The following ADGRL2 variants were observed in gnomAD, a reference collection of about 807,000 sequenced individuals.
The protein encoded by ADGRL2 is adhesion G protein-coupled receptor L2, also known as calcium-independent alpha-latrotoxin receptor 2.
In ADGRL2, 44 loss-of-function variants were observed where a neutral mutation model predicts 157.4. That is an observed-to-expected ratio of 0.28 (90% CI 0.22 to 0.36). The LOEUF (loss-of-function observed/expected upper bound fraction) is 0.36, where lower values mean the gene tolerates loss of function less well. Ranked by LOEUF, ADGRL2 falls within the 10% of genes least tolerant of loss-of-function variation. The probability of loss-of-function intolerance (pLI) is 1.00; values close to 1 mark genes in which losing one functional copy is unlikely to be tolerated. For missense variants in ADGRL2, 1,510 were observed against 1,768.9 expected, an observed-to-expected ratio of 0.85 and a Z score of 2.63; for synonymous variants, 585 against 624.7, an observed-to-expected ratio of 0.94 and a Z score of 0.95.
intron 3 of ADGRL2, among the ~76,000 whole-genome samples, chr1:81,621,441 C>T (rs2148711641): frequency 6.6e-6 from 1 of 152,270 alleles, no homozygotes; most frequent in East Asian, 1.9e-4. Flanking sequence ...AGAGATTTTC[C>T]TGCTGTCCTG....
intron 1 of ADGRL2, among the ~76,000 whole-genome samples, chr1:81,349,969 A>AT (rs973606434): frequency 6.6e-6 from 1 of 151,746 alleles, no homozygotes; most frequent in African/African-American, 2.4e-5. Context: ...CTCTTTTATC[A>AT]TTTTTTTTCC....
chr1:81,635,404 A>C (rs917012177), intron 3 of ADGRL2, among the ~76,000 whole-genome samples: 1 of 152,102 alleles, frequency 6.6e-6, no homozygotes, highest in African/African-American at 2.4e-5. Flanking sequence ...ACTTCTCTCA[A>C]ACCTTTGCAT....
At chr1:81,614,294 T>A (rs1245300411) in intron 3 of ADGRL2, among the ~76,000 whole-genome samples, 1 of 152,166 alleles carries the variant, frequency 6.6e-6, no homozygotes, top group African/African-American at 2.4e-5. Flanking sequence ...AAGATGTTAC[T>A]CGATGAGACA....
chr1:81,523,067 A>G (rs1314610728), intron 2 of ADGRL2, among the ~76,000 whole-genome samples: 1 of 152,194 alleles, frequency 6.6e-6, no homozygotes, highest in Non-Finnish European at 1.5e-5. Flanking sequence ...AAAAAAATTA[A>G]CAAAAATATG....
chr1:81,767,610 A>G (rs991776519), intron 2 of ADGRL2, among the ~76,000 whole-genome samples: 1 of 152,108 alleles, frequency 6.6e-6, no homozygotes, highest in Admixed American at 6.6e-5. Context: ...GGTGGCTCAC[A>G]CTTGTAATCT....
intron 2 of ADGRL2, among the ~76,000 whole-genome samples, chr1:81,841,339 C>A (rs2092569864): frequency 6.6e-6 from 1 of 151,822 alleles, no homozygotes; most frequent in Admixed American, 6.6e-5. Flanking sequence ...TTTTAAGTTC[C>A]CTAAGTACAT....
At chr1:81,386,375 C>T (rs1299828583) in intron 1 of ADGRL2, among the ~76,000 whole-genome samples, 1 of 152,144 alleles carries the variant, frequency 6.6e-6, no homozygotes, top group Non-Finnish European at 1.5e-5. Context: ...CGCTAGCCTC[C>T]ATAATGCTTT....
At chr1:81,366,477 C>T (rs759202472) in intron 1 of ADGRL2, among the ~76,000 whole-genome samples, 8 of 152,076 alleles carry the variant, frequency 5.3e-5, no homozygotes, top group Non-Finnish European at 1.2e-4. Context: ...TTATTTTATA[C>T]AAATGGTAGG....
At chr1:81,498,522 C>T (rs909588900) in intron 2 of ADGRL2, among the ~76,000 whole-genome samples, 4 of 152,002 alleles carry the variant, frequency 2.6e-5, no homozygotes, top group Non-Finnish European at 4.4e-5. Flanking sequence ...CATACTGGAC[C>T]GACAGATTGA....
chr1:81,545,570 G>A (rs1304045057), intron 2 of ADGRL2, among the ~76,000 whole-genome samples: 4 of 152,208 alleles, frequency 2.6e-5, no homozygotes, highest in East Asian at 3.9e-4. Context: ...TTGAGCTATC[G>A]AGCCTGGCCT....
At chr1:81,962,611 T>G (rs1229839044) in intron 11 of ADGRL2, among the ~76,000 whole-genome samples, 1 of 152,178 alleles carries the variant, frequency 6.6e-6, no homozygotes, top group African/African-American at 2.4e-5. Flanking sequence ...GATCTTATAC[T>G]TCCCTTGTAA....
intron 3 of ADGRL2, among the ~76,000 whole-genome samples, chr1:81,916,883 A>AT (rs1362476658): frequency 6.6e-6 from 1 of 151,952 alleles, no homozygotes; most frequent in Non-Finnish European, 1.5e-5. Flanking sequence ...CCCCAAATCC[A>AT]TATTTTGTTT....
intron 2 of ADGRL2, among the ~76,000 whole-genome samples, chr1:81,530,312 A>C (rs1413740397): frequency 1.3e-5 from 2 of 152,304 alleles, no homozygotes; most frequent in Admixed American, 1.3e-4. Context: ...AAGGTGGCAC[A>C]AATTCAAAAG....
Position 81,571,082 on chromosome 1 carries a change from T to G in ADGRL2, c.-247-9794T>G, listed in dbSNP as rs376125996. On this transcript the variant is annotated intron_variant, in intron 2 of 24. Transcript: ENST00000370721. ...GCCCACGTCTGTAATCCCAGCACTT[T>G]GGGAGGCTGAGGCGGGCAGATCACC... is the stretch of plus-strand genomic sequence containing the variant. Among the ~76,000 whole-genome samples, 5 of 152,086 alleles carry G rather than the reference T, an allele frequency of 3.3e-5. No homozygotes were observed. In the East Asian group the frequency reaches 5.8e-4, roughly 18 times the overall value.
At chr1:81,596,469 G>C (rs758843602) in intron 3 of ADGRL2, 3 of 452,200 alleles carry the variant, frequency 6.6e-6, no homozygotes, top group Admixed American at 4.8e-5. Context: ...TGTCACCTCC[G>C]GCTCCAAGGG....
intron 1 of ADGRL2, among the ~76,000 whole-genome samples, chr1:81,313,752 CA>C (rs1659916502): frequency 6.6e-6 from 1 of 152,126 alleles, no homozygotes; most frequent in Non-Finnish European, 1.5e-5. Context: ...ATGAAAAAAT[CA>C]AGAGGGTATT....
At chr1:81,311,243 T>C (rs1441194581) in intron 1 of ADGRL2, among the ~76,000 whole-genome samples, 1 of 152,174 alleles carries the variant, frequency 6.6e-6, no homozygotes, top group African/African-American at 2.4e-5. Context: ...AGTCTGTTTG[T>C]TACTGTTGTT....
chr1:81,907,604 C>CT (rs199996498), intron 3 of ADGRL2, among the ~76,000 whole-genome samples: 31 of 148,420 alleles, frequency 2.1e-4, no homozygotes, highest in East Asian at 1.2e-3. Flanking sequence ...TGCTACTTAA[C>CT]TTTTTTTTTT....
chr1:81,668,506 T>G (rs2148905521), intron 3 of ADGRL2, among the ~76,000 whole-genome samples: 1 of 151,732 alleles, frequency 6.6e-6, no homozygotes, highest in African/African-American at 2.4e-5. Flanking sequence ...TACAAAAGTG[T>G]TTTAGATGGA....
Sources: allele counts gnomAD v4.1 joint callset (sites outside exome capture counted in the v4.1 genomes callset), GRCh38; gene constraint gnomAD v4.1.1; transcripts MANE v1.5; gene names NCBI Gene and HGNC (gene_info 2026-07-23, HGNC 2026-07-21).